The following FAT2 variants were observed in gnomAD, a reference collection of about 807,000 sequenced individuals.
The protein encoded by FAT2 is protocadherin Fat 2.
FAT2 carries 150 observed loss-of-function variants against 295.3 expected under a neutral mutation model. That is an observed-to-expected ratio of 0.51 (90% CI 0.44 to 0.58). FAT2 has a LOEUF of 0.58. Ranked by LOEUF, FAT2 falls within the 20% of genes least tolerant of loss-of-function variation. The pLI is 0.00. For synonymous variants in FAT2, 2,026 were observed against 2,150.3 expected (o/e 0.94, Z 1.60); for missense variants, 4,868 against 5,442.7 (o/e 0.89, Z 3.32).
Position 151,517,784 on chromosome 5 carries a change from C to T in FAT2, c.11318-19G>A. 8 of 1,613,538 alleles carry T rather than the reference C, an allele frequency of 5.0e-6. No individual in the cohort carries two copies. The highest frequency in any genetic ancestry group is 1.7e-5 in the Admixed American group (1 of 60,002). ...GCAGTACCTGAGAAAGCAACCAAAG[C>T]TGTCACCTCTACTTGAAGTGGTCCC... is the stretch of plus-strand genomic sequence containing the variant. On this transcript the variant is annotated intron_variant, in intron 19 of 23. Transcript: ENST00000261800.
rs2127630978 is a variant in FAT2 at position 151,554,519 on chromosome 5, A to T, written c.3788T>A (p.Val1263Glu). 6.2e-7 allele frequency: 1 copy of T among 1,614,226 alleles called. No individual in the cohort carries two copies. The highest frequency in any genetic ancestry group is 8.5e-7 in the Non-Finnish European group (1 of 1,180,034). Reference sequence around the variant, plus strand: ...CAGGTCTGAAGCCACCAGCCTGTACACAGGCCCAGGGGACACAGGGCTCAG... The same window carrying T: ...CAGGTCTGAAGCCACCAGCCTGTACTCAGGCCCAGGGGACACAGGGCTCAG... ...ERLSPVSPGP[V>E]YRLVASDLDE... Residue 1263 changes from valine to glutamate, a missense_variant, in exon 5 of 24, where the codon GTG becomes GAG. Val to Glu is a moderately radical substitution (Grantham distance 121). Around this residue, in one of 5 missense-constraint regions of FAT2, gnomAD observed 3,297 missense variants for 3,669.4 expected, o/e 0.90. Transcript: ENST00000261800.
Position 151,566,949 on chromosome 5 carries a change from G to T in FAT2, c.1983C>A (p.Asp661Glu). The part of the protein sequence containing the change: ...PTTLNITVVK[D>E]PHFEVPVTCD... ...ATGTTACAGGAACTTCAAAATGAGG[G>T]TCCTTCACCACAGTAATATTCAAAG... is the stretch of plus-strand genomic sequence containing the variant. The change falls in exon 2 of 24, where the codon GAC becomes GAA. Residue 661 changes from aspartate to glutamate, a missense_variant. By Grantham distance (45) the Asp-to-Glu change is conservative. Coordinates refer to ENST00000261800, the MANE Select transcript of FAT2 (RefSeq NM_001447.3). 6.2e-7 allele frequency: 1 copy of T among 1,613,942 alleles called. No homozygotes were observed. Among genetic ancestry groups the T allele is most frequent in the Non-Finnish European group, 8.5e-7 (1 of 1,179,842 alleles).
chr5:151,569,506 T>G (rs1758440477), intron 1 of FAT2, among the ~76,000 whole-genome samples: 1 of 152,110 alleles, frequency 6.6e-6, no homozygotes, highest in Non-Finnish European at 1.5e-5. Context: ...AAGATGAGAT[T>G]TGGGTGGGAA....
chr5:151,571,916 G>C (rs754547321), intron 1 of FAT2, among the ~76,000 whole-genome samples: 2 of 152,160 alleles, frequency 1.3e-5, no homozygotes, highest in Non-Finnish European at 2.9e-5. Flanking sequence ...TGCACCTCCT[G>C]GGCCCATGCT....
chr5:151,511,979 G>A, intron 21 of FAT2, 186 bp downstream of exon 21: 1 of 605,654 alleles, frequency 1.7e-6, no homozygotes, highest in Non-Finnish European at 3.0e-6. Context: ...TTTGTTGAGA[G>A]GGAAGGAAGA....
At chr5:151,587,823 A>G (rs1389798044) in intron 1 of FAT2, among the ~76,000 whole-genome samples, 1 of 152,216 alleles carries the variant, frequency 6.6e-6, no homozygotes, top group Non-Finnish European at 1.5e-5. Context: ...CACACTGAAA[A>G]CAATGACAAC....
At chr5:151,507,045 G>C in intron 23 of FAT2, 109 bp downstream of exon 23, 1 of 930,872 alleles carries the variant, frequency 1.1e-6, no homozygotes, top group East Asian at 2.5e-5. Flanking sequence ...CATCCCAAAG[G>C]GTTGGATGCG....
At chr5:151,574,971 A>C (rs1267675881) in intron 1 of FAT2, among the ~76,000 whole-genome samples, 1 of 152,208 alleles carries the variant, frequency 6.6e-6, no homozygotes, top group Non-Finnish European at 1.5e-5. Context: ...ACTCCTACCT[A>C]CTTCCCAGGA....
chr5:151,551,623 G>C lies in FAT2; in HGVS notation c.4157-17C>G, dbSNP rs1170823454. 1 of 1,613,768 alleles carries C rather than the reference G, an allele frequency of 6.2e-7. No individual in the cohort carries two copies. Among genetic ancestry groups the C allele is most frequent in the East Asian group, 2.2e-5 (1 of 44,882 alleles). On this transcript the variant is annotated splice_polypyrimidine_tract_variant and intron_variant, in intron 6 of 23. Transcript: ENST00000261800. ...TATCCCCACCTAGAGTGGGAGTGGGGAGAAAGCACACACAACCTCAGTGAT... is the reference window on the plus strand; with the variant it reads ...TATCCCCACCTAGAGTGGGAGTGGGCAGAAAGCACACACAACCTCAGTGAT...
intron 22 of FAT2, chr5:151,509,420 G>A (rs551000941): frequency 1.3e-5 from 2 of 152,862 alleles, no homozygotes; most frequent in South Asian, 2.1e-4. Context: ...ACCCATACTG[G>A]TCGGTGGCCT....
chr5:151,592,893 T>G (rs996148129), upstream of FAT2, among the ~76,000 whole-genome samples: 1 of 152,212 alleles, frequency 6.6e-6, no homozygotes, highest in Non-Finnish European at 1.5e-5. Context: ...TTTTTGCTGT[T>G]TCCTGGCTCT....
At chr5:151,509,779 C>A in intron 22 of FAT2, 1 of 473,816 alleles carries the variant, frequency 2.1e-6, no homozygotes, top group Non-Finnish European at 3.8e-6. Context: ...ATGTCATGTG[C>A]TTGAATCATC....
intron 3 of FAT2, 39 bp downstream of exon 3, chr5:151,563,286 T>C: frequency 6.3e-7 from 1 of 1,589,990 alleles, no homozygotes; most frequent in Non-Finnish European, 8.6e-7. Context: ...GAACCACCAT[T>C]GTAGAGATCC....
chr5:151,527,557 A>T (rs1157640408), intron 16 of FAT2, among the ~76,000 whole-genome samples, 180 bp from the exon 17 acceptor site: 1 of 152,064 alleles, frequency 6.6e-6, no homozygotes, highest in East Asian at 1.9e-4. Flanking sequence ...AATAGGTGTG[A>T]TTCCCTACTC....
At chr5:151,527,105 G>T in intron 17 of FAT2, 129 bp downstream of exon 17, 2 of 919,790 alleles carry the variant, frequency 2.2e-6, no homozygotes, top group Non-Finnish European at 3.3e-6. Context: ...AGTCTGTGTT[G>T]CCTTTGGGGA....
Position 151,517,798 on chromosome 5 carries a change from T to C in FAT2, c.11318-33A>G, listed in dbSNP as rs377548747. The C allele has an allele frequency of 1.1e-5, 18 of 1,612,266 alleles. No homozygotes were observed. The Middle Eastern group carries it at 4.9e-4, about 44-fold the overall frequency. ...AGCAACCAAAGCTGTCACCTCTACT[T>C]GAAGTGGTCCCCATTGAGCCCTTGG... On this transcript the variant is annotated intron_variant, in intron 19 of 23. Coordinates refer to ENST00000261800, the MANE Select transcript of FAT2 (RefSeq NM_001447.3).
At chr5:151,508,058 C>T (rs143237478) in intron 22 of FAT2, among the ~76,000 whole-genome samples, 246 of 152,296 alleles carry the variant, frequency 1.6e-3, no homozygotes, top group African/African-American at 5.6e-3. Flanking sequence ...TGGTCCTGCA[C>T]AGATCAGCCA....
chr5:151,542,712 G>A lies in FAT2; in HGVS notation c.8415C>T (p.Val2805=), dbSNP rs375082608. ...TCCCCACTGGCATATTCTCAGTGAG[G>A]ACAGCCTTATATGGATCAGCCTCAA... ...PVFEADPYKA[V]LTENMPVGTS... The change falls in exon 10 of 24, where the codon GTC becomes GTT. Residue 2805 remains valine, a synonymous_variant. Coordinates refer to ENST00000261800, the MANE Select transcript of FAT2 (RefSeq NM_001447.3). 1.2e-6 allele frequency: 2 copies of A among 1,614,242 alleles called. No homozygotes were observed. Among genetic ancestry groups the A allele is most frequent in the South Asian group, 1.1e-5 (1 of 91,084 alleles).
At chr5:151,539,345 T>C (rs909147064) in intron 11 of FAT2, among the ~76,000 whole-genome samples, 7 of 152,224 alleles carry the variant, frequency 4.6e-5, no homozygotes, top group African/African-American at 1.4e-4. Flanking sequence ...TGTCTATACA[T>C]TCATATGTGT....
Sources: gnomAD v4.1 joint callset for allele counts (sites outside exome capture counted in the v4.1 genomes callset) on GRCh38, gnomAD v4.1.1 for gene constraint, gnomAD v4.1.1 regional missense constraint, MANE v1.5 for transcripts, NCBI Gene and HGNC (gene_info 2026-07-23, HGNC 2026-07-21) for gene names.